The following GPR137 variants were observed in gnomAD, a reference collection of about 807,000 sequenced individuals.
GPR137 encodes the protein integral membrane protein GPR137.
Under a neutral mutation model 38.9 loss-of-function variants are expected in GPR137, and 20 were observed. The observed-to-expected ratio is 0.51, with a 90% CI of 0.36 to 0.75. The LOEUF (loss-of-function observed/expected upper bound fraction) is 0.75, where lower values mean the gene tolerates loss of function less well. GPR137 is among the 30% of genes least tolerant of loss of function. The pLI is 0.00. For missense variants in GPR137, 456 were observed against 526.4 expected (o/e 0.87, Z 1.31); for synonymous variants, 226 against 235.8 (o/e 0.96, Z 0.38).
chr11:64,273,664 G>A (rs917909856), upstream of GPR137, among the ~76,000 whole-genome samples: 1 of 151,716 alleles, frequency 6.6e-6, no homozygotes, highest in East Asian at 1.9e-4. Flanking sequence ...GGGAGATCAC[G>A]AGGTCAGGAG....
At chr11:64,284,668 C>A, upstream of GPR137, 1 of 1,534,896 alleles carries the variant, frequency 6.5e-7, no homozygotes, top group East Asian at 2.4e-5. Context: ...CCGGGCCTGC[C>A]GCCTCCCTCC....
At chr11:64,282,272 C>G (rs1278782726), upstream of GPR137, among the ~76,000 whole-genome samples, 1 of 152,118 alleles carries the variant, frequency 6.6e-6, no homozygotes, top group Non-Finnish European at 1.5e-5. Context: ...AGTTTGTGAG[C>G]AGAAAAATGG....
At chr11:64,272,868 AG>A, upstream of GPR137, 1 of 152,204 alleles carries the variant, frequency 6.6e-6, no homozygotes, top group Non-Finnish European at 1.5e-5. Context: ...CACCTTTATG[AG>A]GGGATAATCC....
upstream of GPR137, chr11:64,270,716 G>A (rs1315966354): frequency 8.1e-6 from 4 of 495,184 alleles, no homozygotes; most frequent in Non-Finnish European, 1.6e-5. Flanking sequence ...GATCCTTTGA[G>A]GCCAGGAGTT....
chr11:64,284,293 G>A (rs201722570), upstream of GPR137: 24 of 1,612,144 alleles, frequency 1.5e-5, no homozygotes, highest in Non-Finnish European at 1.7e-6. Context: ...TCCCCTGCGG[G>A]GCTGGGGCCC....
intron 2 of GPR137, among the ~76,000 whole-genome samples, chr11:64,276,602 C>T (rs2033085305): frequency 6.6e-6 from 1 of 152,252 alleles, no homozygotes; most frequent in African/African-American, 2.4e-5. Context: ...GCTGGGATTA[C>T]AGGCGTGAGC....
intron 2 of GPR137, chr11:64,276,954 C>G (rs572347455): frequency 1.3e-6 from 1 of 754,516 alleles, no homozygotes. Context: ...GCGGCTGGGG[C>G]GGACATCCCT....
upstream of GPR137, chr11:64,284,956 G>A: frequency 7.2e-7 from 1 of 1,396,070 alleles, no homozygotes; most frequent in Non-Finnish European, 9.3e-7. Flanking sequence ...ACCCACTTCT[G>A]CCAACAAGTC....
rs1297605041 is a variant in GPR137 at position 64,286,856 on chromosome 11, C to T, written c.332C>T (p.Thr111Met). 4 of 1,597,766 alleles carry T rather than the reference C, an allele frequency of 2.5e-6. No individual in the cohort carries two copies. The highest frequency in any genetic ancestry group is 1.1e-5 in the South Asian group (1 of 89,664). Residue 111 changes from threonine (T) to methionine (M), a missense_variant, in exon 1 of 7, where the codon ACG (threonine) becomes ATG (methionine). Physicochemically the swap from Thr to Met is moderately conservative, Grantham distance 81. Coordinates refer to ENST00000438980, the MANE Select transcript of GPR137 (RefSeq NM_001170880.2). ...GTCTGCCTGCAGTTCTTCACCTTGA[C>T]GCTTATGAACCTCTACTTTGCCCAG... ...CPVCLQFFTL[T>M]LMNLYFAQVV...
upstream of GPR137, among the ~76,000 whole-genome samples, chr11:64,281,801 A>ACCTCCG (rs2033493456): frequency 6.6e-6 from 1 of 151,916 alleles, no homozygotes; most frequent in Non-Finnish European, 1.5e-5. Flanking sequence ...GCTCACTGCA[A>ACCTCCG]CCTCCGCCTC....
chr11:64,280,987 AGACGGAATCTT>A (rs2033430697), upstream of GPR137, among the ~76,000 whole-genome samples: 1 of 147,568 alleles, frequency 6.8e-6, no homozygotes, highest in South Asian at 2.1e-4. Flanking sequence ...TTTTTTTTTG[AGACGGAATCTT>A]GCTCTGTCAC....
rs1223092404 is a variant in GPR137, at chr11:64,286,318, G to T, written c.-207G>T. The T allele has an allele frequency of 7.1e-7, 1 of 1,402,306 alleles. No individual in the cohort carries two copies. Among genetic ancestry groups the T allele is most frequent in the Non-Finnish European group, 9.2e-7 (1 of 1,083,738 alleles). 86.9% of individuals were successfully genotyped at this position (1,402,306 alleles called of 1,614,324 possible). A position where few individuals can be genotyped will look rare whatever the true frequency, so the allele number is the denominator to read the frequency against. On this transcript the variant is annotated 5_prime_UTR_variant, in exon 1 of 7. Transcript: ENST00000438980. ...CTGCCCTTCCATGCCCCTGAGTGAGGGGCCTGGGGCCCAGGCTGCCTGTGT... is the reference window on the plus strand; with the variant it reads ...CTGCCCTTCCATGCCCCTGAGTGAGTGGCCTGGGGCCCAGGCTGCCTGTGT...
intron 2 of GPR137, 167 bp downstream of exon 2, chr11:64,287,181 C>A (rs1037197550): frequency 1.4e-5 from 14 of 985,200 alleles, no homozygotes; most frequent in African/African-American, 1.7e-5. Flanking sequence ...TCAGCAGAGG[C>A]CTTGCAGATC....
upstream of GPR137, among the ~76,000 whole-genome samples, chr11:64,280,501 A>G (rs1285970297): frequency 1.6e-4 from 23 of 146,404 alleles, no homozygotes; most frequent in South Asian, 4.4e-4. Flanking sequence ...ATAGGCACCC[A>G]CCACCACGCC....
intron 2 of GPR137, among the ~76,000 whole-genome samples, chr11:64,279,274 C>A (rs1228503900): frequency 6.6e-6 from 1 of 151,980 alleles, no homozygotes; most frequent in South Asian, 2.1e-4. Context: ...CCAACTCCAA[C>A]GATGCTGCGG....
intron 2 of GPR137, chr11:64,277,178 T>G: frequency 1.7e-6 from 1 of 594,588 alleles, no homozygotes; most frequent in Non-Finnish European, 3.0e-6. Flanking sequence ...AGGGCTGGGT[T>G]TGGATCCTGC....
At chr11:64,274,601 T>C (rs916931873), upstream of GPR137, among the ~76,000 whole-genome samples, 3 of 151,926 alleles carry the variant, frequency 2.0e-5, no homozygotes, top group African/African-American at 7.3e-5. Flanking sequence ...GGCAGGTGGA[T>C]CACGAGGTCA....
upstream of GPR137, among the ~76,000 whole-genome samples, chr11:64,275,487 C>A (rs577831374): frequency 6.6e-6 from 1 of 152,118 alleles, no homozygotes; most frequent in Admixed American, 6.5e-5. Flanking sequence ...CTGCCAGGAT[C>A]GCCATGACAA....
upstream of GPR137, chr11:64,285,537 C>T (rs1296241514): frequency 2.0e-6 from 2 of 984,986 alleles, no homozygotes; most frequent in East Asian, 2.3e-4. Flanking sequence ...GTTGCCGCCC[C>T]CGGCCGGGCG....
Sources: gnomAD v4.1 joint callset for allele counts (sites outside exome capture counted in the v4.1 genomes callset) on GRCh38, gnomAD v4.1.1 for gene constraint, MANE v1.5 for transcripts, NCBI Gene and HGNC (gene_info 2026-07-23, HGNC 2026-07-21) for gene names.